Variants in SCNN1G observed in about 807,000 individuals in gnomAD.
The protein encoded by SCNN1G is epithelial sodium channel subunit gamma.
Under a neutral mutation model 64.6 loss-of-function variants are expected in SCNN1G, and 27 were observed. That is an observed-to-expected ratio of 0.42 (90% CI 0.31 to 0.58). SCNN1G has a LOEUF of 0.58. Among genes scored for constraint, SCNN1G ranks in the 20% least tolerant of loss-of-function variants. SCNN1G has a pLI of 0.18. For missense variants in SCNN1G, 743 were observed against 823.4 expected (o/e 0.90, Z 1.19); for synonymous variants, 330 against 314.2 (o/e 1.05, Z -0.53).
intron 6 of SCNN1G, among the ~76,000 whole-genome samples, chr16:23,205,561 A>T (rs951517270): frequency 2.0e-5 from 3 of 152,116 alleles, no homozygotes; most frequent in Admixed American, 2.0e-4. Flanking sequence ...TTAGCCAGGC[A>T]TGGAGGCACA....
Position 23,213,096 on chromosome 16 carries a change from T to A in SCNN1G, c.1432-6T>A. 6.2e-7 allele frequency: 1 copy of A among 1,613,690 alleles called. No individual in the cohort carries two copies. Among genetic ancestry groups the A allele is most frequent in the Non-Finnish European group, 8.5e-7 (1 of 1,179,676 alleles). The stretch of plus-strand genomic sequence containing the variant: ...CTCAGGCCCACGCTTTCTCTCTCCG[T>A]TGTAGAAGTGGTTGCTGCCTGTTCT... On this transcript the variant is annotated splice_polypyrimidine_tract_variant and splice_region_variant and intron_variant, in intron 10 of 12. Coordinates refer to ENST00000300061, the MANE Select transcript of SCNN1G (RefSeq NM_001039.4).
chr16:23,211,047 A>G (rs1156886680), intron 7 of SCNN1G, among the ~76,000 whole-genome samples: 1 of 152,172 alleles, frequency 6.6e-6, no homozygotes, highest in Non-Finnish European at 1.5e-5. Context: ...TTAAAAATAA[A>G]AAAAGTGAGC....
rs139283096 is a variant in SCNN1G, at chr16:23,215,411, G to T, written c.1892G>T (p.Arg631Leu). ...GTPPPKYNTL[R>L]LERAFSNQLT... ...CCGCCCCCCAAATACAATACCTTGCGCTTGGAGAGGGCCTTTTCCAACCAG... is the reference window on the plus strand; with the variant it reads ...CCGCCCCCCAAATACAATACCTTGCTCTTGGAGAGGGCCTTTTCCAACCAG... Residue 631 changes from arginine (R) to leucine (L), a missense_variant, in exon 13 of 13, where the codon CGC becomes CTC. Coordinates refer to ENST00000300061, the MANE Select transcript of SCNN1G (RefSeq NM_001039.4). 3 of 1,613,844 alleles carry T rather than the reference G, an allele frequency of 1.9e-6. No homozygotes were observed. The highest frequency in any genetic ancestry group is 1.1e-5 in the South Asian group (1 of 91,078).
chr16:23,184,156 C>G (rs1026410446), intron 1 of SCNN1G, among the ~76,000 whole-genome samples: 1 of 151,846 alleles, frequency 6.6e-6, no homozygotes, highest in African/African-American at 2.4e-5. Flanking sequence ...AATATTTTAT[C>G]TGTTTTGCAA....
In SCNN1G at chr16:23,186,479, C is replaced by CA; in HGVS notation, c.209dup (p.Cys71ValfsTer46). On this transcript the variant is annotated frameshift_variant, in exon 2 of 13. Coordinates refer to ENST00000300061, the MANE Select transcript of SCNN1G (RefSeq NM_001039.4). LOFTEE classifies it high-confidence loss of function. Reference sequence around the variant, plus strand: ...GACTGCCGTGGCCCTCATCCTCTGGCAGTGCGCCCTCCTCGTCTTCTCCTT... The same window carrying CA: ...GACTGCCGTGGCCCTCATCCTCTGGCAAGTGCGCCCTCCTCGTCTTCTCCTT... 6.2e-7 allele frequency: 1 copy of CA among 1,614,160 alleles called. No homozygotes were observed. The highest frequency in any genetic ancestry group is 8.5e-7 in the Non-Finnish European group (1 of 1,180,034).
chr16:23,190,447 G>A (rs1265518306), intron 3 of SCNN1G, among the ~76,000 whole-genome samples: 1 of 152,182 alleles, frequency 6.6e-6, no homozygotes, highest in Non-Finnish European at 1.5e-5. Flanking sequence ...AGAAATTAGG[G>A]CAGATGCAGG....
intron 5 of SCNN1G, 28 bp from the exon 6 acceptor site, chr16:23,197,236 A>C (rs756923169): frequency 4.4e-6 from 7 of 1,607,526 alleles, no homozygotes; most frequent in Non-Finnish European, 5.1e-6. Context: ...CTAGCCTTGG[A>C]TCACAGCAGG....
rs528262449 is a variant in SCNN1G, at chr16:23,215,329, A to G, written c.1810A>G (p.Thr604Ala). 1.2e-6 allele frequency: 2 copies of G among 1,613,886 alleles called. No homozygotes were observed. Among genetic ancestry groups the G allele is most frequent in the African/African-American group, 2.7e-5 (2 of 74,862 alleles). ...CCTGGATATAGACGATGACCTACCCACTTTCAACTCTGCTTTGCACCTGCC... is the reference window on the plus strand; with the variant it reads ...CCTGGATATAGACGATGACCTACCCGCTTTCAACTCTGCTTTGCACCTGCC... Reference protein sequence around the residue: ...PALDIDDDLPTFNSALHLPPA... With the variant: ...PALDIDDDLPAFNSALHLPPA... The change falls in exon 13 of 13, where the codon ACT becomes GCT. Residue 604 changes from threonine to alanine, a missense_variant. By Grantham distance (58) the Thr-to-Ala change is moderately conservative. Transcript: ENST00000300061.
At chr16:23,189,888 G>A (rs1414932660) in intron 3 of SCNN1G, among the ~76,000 whole-genome samples, 1 of 152,040 alleles carries the variant, frequency 6.6e-6, no homozygotes, top group African/African-American at 2.4e-5. Context: ...CCTGGCCAAC[G>A]TGGTAAAACC....
intron 6 of SCNN1G, among the ~76,000 whole-genome samples, chr16:23,198,830 C>T (rs915905459): frequency 6.1e-5 from 9 of 148,742 alleles, no homozygotes; most frequent in Admixed American, 3.4e-4. Context: ...TGAAGTGGGA[C>T]GATCACTTGA....
In SCNN1G at chr16:23,194,227, G is replaced by A; in HGVS notation, c.866G>A (p.Arg289Lys). Residue 289 changes from arginine (R) to lysine (K), a missense_variant, in exon 5 of 13, where the codon AGA (arginine) becomes AAA (lysine). Transcript: ENST00000300061. ...MHGNCYTFNN[R>K]ENETILSTSM... ...GGGAATTGCTATACTTTCAACAACAGAGAAAATGAGACCATTCTCAGCACC... is the reference window on the plus strand; with the variant it reads ...GGGAATTGCTATACTTTCAACAACAAAGAAAATGAGACCATTCTCAGCACC... 6.2e-7 allele frequency: 1 copy of A among 1,613,996 alleles called. No homozygotes were observed. The highest frequency in any genetic ancestry group is 8.5e-7 in the Non-Finnish European group (1 of 1,179,932).
chr16:23,209,898 G>A (rs372196173), intron 7 of SCNN1G, 50 bp downstream of exon 7: 3 of 1,342,004 alleles, frequency 2.2e-6, no homozygotes, highest in Non-Finnish European at 3.2e-6. Flanking sequence ...CCCGGACCCA[G>A]GAGACAAAGT....
At chr16:23,200,531 G>C (rs926984163) in intron 6 of SCNN1G, among the ~76,000 whole-genome samples, 1 of 152,214 alleles carries the variant, frequency 6.6e-6, no homozygotes, top group African/African-American at 2.4e-5. Flanking sequence ...ATATCCGCCT[G>C]TCATTTATCC....
Position 23,186,284 on chromosome 16 carries a change from G to T in SCNN1G, c.13G>T (p.Glu5Ter). MAPG[E>*]KIKAKIKKNL... ...TCCCATCCTCGCCATGGCACCCGGAGAGAAGATCAAAGCCAAAATCAAGAA... is the reference window on the plus strand; with the variant it reads ...TCCCATCCTCGCCATGGCACCCGGATAGAAGATCAAAGCCAAAATCAAGAA... The change falls in exon 2 of 13, where the codon GAG (glutamate) becomes TAG (stop). Residue 5 changes from glutamate (E) to a stop codon, truncating the protein, a stop_gained. Transcript: ENST00000300061. LOFTEE classifies it high-confidence loss of function. 6.2e-7 allele frequency: 1 copy of T among 1,614,234 alleles called. No homozygotes were observed. Among genetic ancestry groups the T allele is most frequent in the East Asian group, 2.2e-5 (1 of 44,882 alleles).
At chr16:23,201,235 G>A (rs1959884191) in intron 6 of SCNN1G, among the ~76,000 whole-genome samples, 1 of 152,180 alleles carries the variant, frequency 6.6e-6, no homozygotes, top group South Asian at 2.1e-4. Flanking sequence ...GTAGGATCCA[G>A]GATTTGCAGC....
At chr16:23,204,314 T>TATATAC (rs1959946934) in intron 6 of SCNN1G, among the ~76,000 whole-genome samples, 1 of 81,746 alleles carries the variant, frequency 1.2e-5, no homozygotes, top group Non-Finnish European at 2.5e-5. Context: ...TATATATATA[T>TATATAC]ATATATATAT....
At chr16:23,185,922 G>A (rs1959598112) in intron 1 of SCNN1G, among the ~76,000 whole-genome samples, 1 of 152,176 alleles carries the variant, frequency 6.6e-6, no homozygotes, top group Admixed American at 6.5e-5. Flanking sequence ...CAGGAACCCG[G>A]GGAAAGGTCC....
At chr16:23,187,435 G>C (rs192187899) in intron 2 of SCNN1G, among the ~76,000 whole-genome samples, 5 of 152,104 alleles carry the variant, frequency 3.3e-5, no homozygotes, top group Non-Finnish European at 7.4e-5. Context: ...GGATGGGCTA[G>C]CCCAGAGAGA....
At chr16:23,192,862 A>G (rs543827339) in intron 4 of SCNN1G, among the ~76,000 whole-genome samples, 1 of 151,880 alleles carries the variant, frequency 6.6e-6, no homozygotes, top group South Asian at 2.1e-4. Flanking sequence ...TGAGGCTAGG[A>G]GTTCAAGACC....
Sources: allele counts gnomAD v4.1 joint callset (sites outside exome capture counted in the v4.1 genomes callset), GRCh38; gene constraint gnomAD v4.1.1; transcripts MANE v1.5; gene names NCBI Gene and HGNC (gene_info 2026-07-23, HGNC 2026-07-21).